Variants in SLC15A5 observed in about 807,000 individuals in gnomAD.
SLC15A5 encodes solute carrier family 15 member 5, also known as Peptide/histidine transporter ENSP00000340402.
In SLC15A5, 58 loss-of-function variants were observed where a neutral mutation model predicts 56.1. The ratio of observed to expected loss-of-function variants is 1.03; its 90% CI spans 0.84 to 1.29. The LOEUF is 1.29. Among genes scored for constraint, SLC15A5 ranks in the 50% most tolerant of loss-of-function variants. The pLI is 0.00. For synonymous variants in SLC15A5, 264 were observed against 250.5 expected (o/e 1.05, Z -0.51); for missense variants, 681 against 672.1 (o/e 1.01, Z -0.15).
intron 4 of SLC15A5, among the ~76,000 whole-genome samples, chr12:16,240,338 A>G (rs1864400871): frequency 6.6e-6 from 1 of 152,090 alleles, no homozygotes; most frequent in South Asian, 2.1e-4. Context: ...TATAGAAACG[A>G]CTTTTTCCTA....
At chr12:16,266,913 T>C (rs375472565) in intron 2 of SLC15A5, among the ~76,000 whole-genome samples, 3 of 152,198 alleles carry the variant, frequency 2.0e-5, no homozygotes, top group Admixed American at 1.3e-4. Context: ...AATTTTTTTG[T>C]CTTCATGATT....
At chr12:16,217,133 T>G in intron 6 of SLC15A5, 109 bp from the exon 7 acceptor site, 1 of 1,231,724 alleles carries the variant, frequency 8.1e-7, no homozygotes, top group Non-Finnish European at 1.1e-6. Flanking sequence ...ACTGATACAA[T>G]AAAAATTTGG....
At chr12:16,224,243 G>A (rs1195534670) in intron 6 of SLC15A5, among the ~76,000 whole-genome samples, 171 bp downstream of exon 6, 1 of 152,202 alleles carries the variant, frequency 6.6e-6, no homozygotes, top group Non-Finnish European at 1.5e-5. Flanking sequence ...AGAGGAATGA[G>A]GAGAAATGAA....
Position 16,262,923 on chromosome 12 carries a change from A to C in SLC15A5, c.585-5053T>G, listed in dbSNP as rs532093855. Among the ~76,000 whole-genome samples the C allele has an allele frequency of 3.1e-3, 380 of 121,352 alleles. 1 individual carries two copies. Among genetic ancestry groups the C allele is most frequent in the Non-Finnish European group, 4.7e-3 (266 of 56,010 alleles). 79.6% of individuals were successfully genotyped at this position (121,352 alleles called of 152,430 possible). On this transcript the variant is annotated intron_variant, in intron 2 of 8. Transcript: ENST00000344941. ...TTGTGAGGTCTCTCCAGCCATGTGTAACTGTAAGTCCAGTTAAACCTCTTT... is the reference window on the plus strand; with the variant it reads ...TTGTGAGGTCTCTCCAGCCATGTGTCACTGTAAGTCCAGTTAAACCTCTTT...
At chr12:16,255,865 A>G (rs930111321) in intron 3 of SLC15A5, among the ~76,000 whole-genome samples, 1 of 152,154 alleles carries the variant, frequency 6.6e-6, no homozygotes, top group Non-Finnish European at 1.5e-5. Context: ...ATATATGCCT[A>G]CATGCACCCA....
chr12:16,203,850 T>G (rs1442293236), intron 7 of SLC15A5, among the ~76,000 whole-genome samples: 1 of 152,200 alleles, frequency 6.6e-6, no homozygotes, highest in East Asian at 1.9e-4. Context: ...GTTTATTAAA[T>G]TGGATGCAGA....
chr12:16,239,829 G>A lies in SLC15A5; in HGVS notation c.1014C>T (p.Asn338=), dbSNP rs201353476. ...GCAGAAGAAATCCATCCAAATTCAGGTTGGAATTCATAGTTTGCAGATAAT... is the reference window on the plus strand; with the variant it reads ...GCAGAAGAAATCCATCCAAATTCAGATTGGAATTCATAGTTTGCAGATAAT... The part of the protein sequence containing the change: ...SGYYLQTMNS[N]LNLDGFLLPI... The change falls in exon 5 of 9, where the codon AAC becomes AAT. Residue 338 remains asparagine, a synonymous_variant. Coordinates refer to ENST00000344941, the MANE Select transcript of SLC15A5 (RefSeq NM_001170798.1). 2 of 1,537,178 alleles carry A rather than the reference G, an allele frequency of 1.3e-6. No homozygotes were observed. Among genetic ancestry groups the A allele is most frequent in the Admixed American group, 3.9e-5 (2 of 50,994 alleles).
Position 16,224,466 on chromosome 12 carries a change from C to A in SLC15A5, c.1299G>T (p.Leu433=). The part of the protein sequence containing the change: ...LTVSSMPCFY[L]ILQYVLLGVA... ...CTCCAAGTAAAACATACTGAAGAAT[C>A]AGGTAGAAACAGGGCATGGAGGAAA... is the stretch of plus-strand genomic sequence containing the variant. Residue 433 remains leucine, a synonymous_variant, in exon 6 of 9, where the codon CTG becomes CTT. Coordinates refer to ENST00000344941, the MANE Select transcript of SLC15A5 (RefSeq NM_001170798.1). 6.5e-7 allele frequency: 1 copy of A among 1,537,194 alleles called. No individual in the cohort carries two copies. Among genetic ancestry groups the A allele is most frequent in the Non-Finnish European group, 8.7e-7 (1 of 1,146,872 alleles).
At chr12:16,216,187 A>G (rs1250977016) in intron 7 of SLC15A5, among the ~76,000 whole-genome samples, 2 of 152,220 alleles carry the variant, frequency 1.3e-5, no homozygotes, top group African/African-American at 4.8e-5. Flanking sequence ...AATTAAAGAT[A>G]TATCGACATT....
chr12:16,198,001 G>A (rs1863912034), intron 7 of SLC15A5, among the ~76,000 whole-genome samples: 1 of 152,062 alleles, frequency 6.6e-6, no homozygotes, highest in Non-Finnish European at 1.5e-5. Context: ...TCTCCAGATC[G>A]CAGGATAGCT....
At position 16,277,305 on chromosome 12, in the gene SLC15A5, A is replaced by T; in HGVS notation, c.361+20T>A. The T allele has an allele frequency of 6.7e-7, 1 of 1,485,450 alleles. No homozygotes were observed. Among genetic ancestry groups the T allele is most frequent in the South Asian group, 1.4e-5 (1 of 73,726 alleles). 92.0% of individuals were successfully genotyped at this position (1,485,450 alleles called of 1,614,324 possible). ...ACTTAATTAAGTCACAAAACAATCCAGTCAGCAGAGGACACTCACCTAGAA... is the reference window on the plus strand; with the variant it reads ...ACTTAATTAAGTCACAAAACAATCCTGTCAGCAGAGGACACTCACCTAGAA... On this transcript the variant is annotated intron_variant, in intron 1 of 8. Coordinates refer to ENST00000344941, the MANE Select transcript of SLC15A5 (RefSeq NM_001170798.1).
chr12:16,264,093 G>C (rs2136815319), intron 2 of SLC15A5, among the ~76,000 whole-genome samples: 1 of 152,288 alleles, frequency 6.6e-6, no homozygotes, highest in East Asian at 1.9e-4. Flanking sequence ...CTGACAGCTT[G>C]CACCGTGTGC....
intron 5 of SLC15A5, among the ~76,000 whole-genome samples, chr12:16,232,663 C>G (rs1044117038): frequency 6.6e-6 from 1 of 152,144 alleles, no homozygotes; most frequent in Non-Finnish European, 1.5e-5. Context: ...TAGCTGTAAT[C>G]CCAGCACTTT....
Position 16,189,649 on chromosome 12 carries a change from G to T in SLC15A5, c.*19C>A. ...CAATGAATACTGTTCTCATAAGACA[G>T]GTAGACTCAAACACAGTTTCATAGG... On this transcript the variant is annotated 3_prime_UTR_variant, in exon 9 of 9. Transcript: ENST00000344941. The T allele has an allele frequency of 6.8e-7, 1 of 1,464,860 alleles. No homozygotes were observed. The highest frequency in any genetic ancestry group is 9.0e-7 in the Non-Finnish European group (1 of 1,112,276). The allele number at this position is 1,464,860 out of a possible 1,614,324, so 90.7% of individuals were successfully genotyped here.
At chr12:16,249,547 T>C (rs1864499646) in intron 3 of SLC15A5, among the ~76,000 whole-genome samples, 1 of 152,094 alleles carries the variant, frequency 6.6e-6, no homozygotes. Flanking sequence ...CTGTAGCTAA[T>C]AAAGTTTTTT....
rs571807632 is a variant in SLC15A5, at chr12:16,243,011, G to A, written c.975+1569C>T. Among the ~76,000 whole-genome samples the A allele has an allele frequency of 6.6e-6, 1 of 152,186 alleles. No homozygotes were observed. Among genetic ancestry groups the A allele is most frequent in the East Asian group, 1.9e-4 (1 of 5,168 alleles). On this transcript the variant is annotated intron_variant, in intron 4 of 8. Transcript: ENST00000344941. This position sits in a 1 kb window ranked among gnomAD's most constrained non-coding sequence, Gnocchi z 4.4. ...CAGACTAGCTTTCATGCATTATTTA[G>A]TCTAGAGGTCAAGAAATTTTCTGTA...
At chr12:16,211,030 T>C (rs1357244857) in intron 7 of SLC15A5, among the ~76,000 whole-genome samples, 2 of 152,164 alleles carry the variant, frequency 1.3e-5, no homozygotes, top group African/African-American at 4.8e-5. Flanking sequence ...ACCAAGGCAC[T>C]AAACCAGTTG....
chr12:16,244,381 G>T (rs1408608331), intron 4 of SLC15A5, among the ~76,000 whole-genome samples, 199 bp downstream of exon 4: 1 of 152,094 alleles, frequency 6.6e-6, no homozygotes, highest in African/African-American at 2.4e-5. Context: ...CACATCCCAG[G>T]GTCTCCTCAG....
chr12:16,244,916 T>C, intron 3 of SLC15A5, 116 bp from the exon 4 acceptor site: 2 of 1,133,402 alleles, frequency 1.8e-6, no homozygotes, highest in Non-Finnish European at 2.5e-6. Flanking sequence ...AGAAAGTTTT[T>C]AGCACCCAAG....
Sources: allele counts gnomAD v4.1 joint callset (sites outside exome capture counted in the v4.1 genomes callset), GRCh38; gene constraint gnomAD v4.1.1; non-coding constraint Gnocchi (gnomAD v3.1); transcripts MANE v1.5; gene names NCBI Gene and HGNC (gene_info 2026-07-23, HGNC 2026-07-21).